SCIN: variants seen among roughly 807,000 people sequenced by gnomAD.
SCIN encodes the protein scinderin.
A neutral mutation model predicts 91.8 loss-of-function variants in SCIN; 91 were observed. The ratio of observed to expected loss-of-function variants is 0.99; its 90% CI spans 0.84 to 1.18. The LOEUF is 1.18. Ranked by LOEUF, SCIN falls within the 50% of genes most tolerant of loss-of-function variation. The pLI, the probability that SCIN is intolerant of heterozygous loss-of-function variation, is 0.00. For synonymous variants in SCIN, 367 were observed against 312.6 expected (o/e 1.17, Z -1.84); for missense variants, 1,087 against 863.9 (o/e 1.26, Z -3.24).
rs1467966408 is a variant in SCIN, at chr7:12,604,624, TGTC to T, written c.630_632del (p.Val211del). 1.3e-6 allele frequency: 2 copies of T among 1,552,194 alleles called. No homozygotes were observed. The highest frequency in any genetic ancestry group is 1.7e-6 in the Non-Finnish European group (2 of 1,147,116). The stretch of plus-strand genomic sequence containing the variant: ...AAAGGAAAGGAAGGTCTGAACTAAT[TGTC>T]GTGGAAGAAGGAAGTGAACCCTCAG... On this transcript the variant is annotated inframe_deletion, in exon 4 of 16. Coordinates refer to ENST00000297029, the MANE Select transcript of SCIN (RefSeq NM_001112706.3).
intron 4 of SCIN, among the ~76,000 whole-genome samples, chr7:12,620,058 C>A (rs1201813010): frequency 2.0e-5 from 3 of 151,742 alleles, no homozygotes; most frequent in Non-Finnish European, 4.4e-5. Context: ...ACATATATAT[C>A]TATCAAATGA....
intron 4 of SCIN, among the ~76,000 whole-genome samples, chr7:12,606,496 C>A (rs1783082348): frequency 6.6e-6 from 1 of 152,090 alleles, no homozygotes; most frequent in African/African-American, 2.4e-5. Context: ...AACTTTATTG[C>A]TTTAATAATG....
At chr7:12,594,787 G>A (rs541119587) in intron 3 of SCIN, among the ~76,000 whole-genome samples, 15 of 152,250 alleles carry the variant, frequency 9.9e-5, no homozygotes, top group East Asian at 9.7e-4. Flanking sequence ...AGGTAGCTGC[G>A]GAGTCAGGCG....
chr7:12,656,965 T>G lies in SCIN; in HGVS notation c.*4250T>G, dbSNP rs1784174181. On this transcript the variant is annotated 3_prime_UTR_variant, in exon 16 of 16. Transcript: ENST00000297029. The stretch of plus-strand genomic sequence containing the variant: ...TGTAAAAAGTGGCTCAACTTTAATA[T>G]TCATTAGGAAATGACTAAAATCAAA... The G allele has an allele frequency of 6.6e-6, 1 of 151,788 alleles. No individual in the cohort carries two copies. The highest frequency in any genetic ancestry group is 2.4e-5 in the African/African-American group (1 of 41,404). 9.4% of individuals were successfully genotyped at this position (151,788 alleles called of 1,614,324 possible).
At chr7:12,624,487 A>G (rs190905190) in intron 5 of SCIN, among the ~76,000 whole-genome samples, 2 of 152,352 alleles carry the variant, frequency 1.3e-5, no homozygotes, top group Admixed American at 6.5e-5. Context: ...CATAAACTAT[A>G]TCAATATCCT....
intron 4 of SCIN, among the ~76,000 whole-genome samples, chr7:12,605,175 C>A (rs1191532597): frequency 1.3e-5 from 2 of 152,098 alleles, no homozygotes; most frequent in Non-Finnish European, 2.9e-5. Context: ...CCTCAGCCTC[C>A]CTAGTAGCTG....
At chr7:12,645,287 C>A (rs931068387) in intron 13 of SCIN, among the ~76,000 whole-genome samples, 3 of 152,098 alleles carry the variant, frequency 2.0e-5, no homozygotes, top group Non-Finnish European at 4.4e-5. Flanking sequence ...CCACTGGCAC[C>A]ACTGTGTTCC....
At position 12,626,337 on chromosome 7, in the gene SCIN, C is replaced by G. The variant is rs192607445; in HGVS notation, c.982-247C>G. On this transcript the variant is annotated intron_variant, in intron 7 of 15. Transcript: ENST00000297029. ...TCCAGGTCACAGAGCTCTTGTGAAC[C>G]TTATGTAGAAAGACAAACTTATTTT... 22 of 474,600 alleles carry G rather than the reference C, an allele frequency of 4.6e-5. No homozygotes were observed. In the South Asian group the frequency reaches 5.7e-4, roughly 12 times the overall value. The allele number at this position is 474,600 out of a possible 1,614,324, so 29.4% of individuals were successfully genotyped here.
chr7:12,570,907 T>C lies in SCIN; in HGVS notation c.121T>C (p.Tyr41His), dbSNP rs1782252876. The change falls in exon 1 of 16, where the codon TAC becomes CAC. Residue 41 changes from tyrosine (Y) to histidine (H), a missense_variant. Physicochemically the swap from Tyr to His is moderately conservative, Grantham distance 83. Coordinates refer to ENST00000297029, the MANE Select transcript of SCIN (RefSeq NM_001112706.3). ...GCCCCAGAGCGCTCACGGCGACTTC[T>C]ACGTCGGGGATGCCTACCTGGTGCT... The part of the protein sequence containing the change: ...PVPQSAHGDF[Y>H]VGDAYLVLHT... 1 of 1,551,582 alleles carries C rather than the reference T, an allele frequency of 6.4e-7. No homozygotes were observed. Among genetic ancestry groups the C allele is most frequent in the South Asian group, 1.2e-5 (1 of 84,064 alleles).
chr7:12,581,101 C>T lies in SCIN; in HGVS notation c.396C>T (p.Asn132=), dbSNP rs1002190859. Residue 132 remains asparagine (N), a synonymous_variant, in exon 3 of 16, where the codon AAC becomes AAT. Coordinates refer to ENST00000297029, the MANE Select transcript of SCIN (RefSeq NM_001112706.3). ...CTGGATTAAATCATGTTCTTACGAA[C>T]GACCTGACAGCCAAGAGGCTCCTAC... ...VASGLNHVLT[N]DLTAKRLLHV... is the part of the protein sequence containing the mutation. 20 of 1,551,250 alleles carry T rather than the reference C, an allele frequency of 1.3e-5. No homozygotes were observed. The highest frequency in any genetic ancestry group is 2.0e-5 in the Admixed American group (1 of 50,970).
At chr7:12,632,900 A>G (rs1783675831) in intron 9 of SCIN, among the ~76,000 whole-genome samples, 2 of 152,292 alleles carry the variant, frequency 1.3e-5, no homozygotes, top group South Asian at 2.1e-4. Context: ...GAATGTATAT[A>G]TTGGGGGGAT....
chr7:12,618,742 A>G (rs527873460), intron 4 of SCIN, among the ~76,000 whole-genome samples: 7 of 152,150 alleles, frequency 4.6e-5, no homozygotes, highest in Non-Finnish European at 1.0e-4. Flanking sequence ...ATTTATTTCT[A>G]TGCTCCCTAT....
At chr7:12,643,326 A>G (rs1783893073) in intron 11 of SCIN, among the ~76,000 whole-genome samples, 1 of 152,168 alleles carries the variant, frequency 6.6e-6, no homozygotes, top group South Asian at 2.1e-4. Context: ...CAGTCTGGGC[A>G]CAGGTCTCTT....
intron 3 of SCIN, chr7:12,595,687 T>C (rs1303917654): frequency 6.6e-6 from 1 of 152,150 alleles, no homozygotes; most frequent in African/African-American, 2.4e-5. Context: ...TTTGGAAAAG[T>C]TTTTTAAAGT....
chr7:12,641,142 TACGCTGCCTG>T (rs1290213442), intron 11 of SCIN, among the ~76,000 whole-genome samples: 1 of 152,174 alleles, frequency 6.6e-6, no homozygotes, highest in African/African-American at 2.4e-5. Flanking sequence ...ACATCACCCT[TACGCTGCCTG>T]GCATGCTCTG....
chr7:12,626,861 G>C, intron 8 of SCIN, 62 bp downstream of exon 8: 2 of 1,404,018 alleles, frequency 1.4e-6, no homozygotes, highest in Non-Finnish European at 2.0e-6. Context: ...GGGGAGGGTG[G>C]GGGAGATCAC....
chr7:12,588,693 T>G (rs952608498), intron 3 of SCIN, among the ~76,000 whole-genome samples: 1 of 151,374 alleles, frequency 6.6e-6, no homozygotes, highest in African/African-American at 2.4e-5. Context: ...TCTCGTGACC[T>G]CCCCCATGCT....
rs1350935117 is a variant in SCIN at position 12,644,295 on chromosome 7, T to G, written c.1739T>G (p.Ile580Ser). Residue 580 changes from isoleucine to serine, a missense_variant, in exon 12 of 16, where the codon ATC (isoleucine) becomes AGC (serine). Transcript: ENST00000297029. ...GTCCTAAAGTGCAAAACCTTAAGGATCCAAGAAGGCGAGGAGCCAGGTGTG... is the reference window on the plus strand; with the variant it reads ...GTCCTAAAGTGCAAAACCTTAAGGAGCCAAGAAGGCGAGGAGCCAGGTGTG... ...ASVLKCKTLR[I>S]QEGEEPEEFW... The G allele has an allele frequency of 6.3e-7, 1 of 1,590,396 alleles. No individual in the cohort carries two copies. The highest frequency in any genetic ancestry group is 1.1e-5 in the South Asian group (1 of 87,406).
chr7:12,590,064 G>A lies in SCIN; in HGVS notation c.516+8843G>A, dbSNP rs189877144. 2.0e-5 allele frequency among the ~76,000 whole-genome samples: 3 copies of A among 152,236 alleles called. No individual in the cohort carries two copies. In the East Asian group the frequency reaches 5.8e-4, roughly 29 times the overall value. On this transcript the variant is annotated intron_variant, in intron 3 of 15. Coordinates refer to ENST00000297029, the MANE Select transcript of SCIN (RefSeq NM_001112706.3). ...TATGGAGACGCCACTGGATGCCAAG[G>A]GACTGAGAAACCTGTTGAGTGATTT... is the stretch of plus-strand genomic sequence containing the variant.
Sources: gnomAD v4.1 joint callset for allele counts (sites outside exome capture counted in the v4.1 genomes callset) on GRCh38, gnomAD v4.1.1 for gene constraint, MANE v1.5 for transcripts, NCBI Gene and HGNC (gene_info 2026-07-23, HGNC 2026-07-21) for gene names.